Variants in WHRN observed in about 807,000 individuals in gnomAD.
The protein encoded by WHRN is whirlin.
Under a neutral mutation model 68.3 loss-of-function variants are expected in WHRN, and 41 were observed. That is an observed-to-expected ratio of 0.60 (90% confidence interval 0.47 to 0.78). The LOEUF is 0.78. WHRN is among the 30% of genes least tolerant of loss of function. The pLI is 0.00. For missense variants in WHRN, 1,243 were observed against 1,244.7 expected (o/e 1.00, Z 0.02); for synonymous variants, 560 against 561.3 (o/e 1.00, Z 0.03).
chr9:114,439,635 T>C (rs72748839), intron 3 of WHRN, among the ~76,000 whole-genome samples: 3 of 151,848 alleles, frequency 2.0e-5, no homozygotes, highest in East Asian at 1.9e-4. Flanking sequence ...TACACACACA[T>C]AGATATATGT....
chr9:114,482,522 C>T (rs527247767), intron 1 of WHRN, among the ~76,000 whole-genome samples: 216 of 152,154 alleles, frequency 1.4e-3, no homozygotes, highest in Non-Finnish European at 2.4e-3. Context: ...TGCTCACCTC[C>T]CAGGGCACCG....
chr9:114,467,291 G>A (rs1043993274), intron 2 of WHRN, among the ~76,000 whole-genome samples: 1 of 152,114 alleles, frequency 6.6e-6, no homozygotes, highest in African/African-American at 2.4e-5. Context: ...CGGTGCTGGG[G>A]CTTGGAGATG....
At position 114,402,619 on chromosome 9, in the gene WHRN, G is replaced by A. The variant is rs1268302324; in HGVS notation, c.*135C>T. The stretch of plus-strand genomic sequence containing the variant: ...TCTCCCAGTTCTGGTCCAGTGGGCT[G>A]GGATGGAGGGGGGATGTCTTCCTGC... On this transcript the variant is annotated 3_prime_UTR_variant, in exon 12 of 12. Transcript: ENST00000362057. The A allele has an allele frequency of 9.0e-7, 1 of 1,107,668 alleles. No individual in the cohort carries two copies. Among genetic ancestry groups the A allele is most frequent in the African/African-American group, 1.5e-5 (1 of 65,308 alleles). 68.6% of individuals were successfully genotyped at this position (1,107,668 alleles called of 1,614,324 possible). A position where few individuals can be genotyped will look rare whatever the true frequency, so the allele number is the denominator to read the frequency against.
At chr9:114,475,754 G>C (rs1397522438) in intron 2 of WHRN, among the ~76,000 whole-genome samples, 3 of 152,130 alleles carry the variant, frequency 2.0e-5, no homozygotes, top group African/African-American at 7.2e-5. Context: ...CCAGCAGCCA[G>C]GGATCCAGAG....
At position 114,424,506 on chromosome 9, in the gene WHRN, A is replaced by G. The variant is rs753763480; in HGVS notation, c.1244T>C (p.Leu415Pro). ...TCGTGTCTGGTTCCCCAGGCTGCTCAGGGTCACCTGGGAGCCGGCTGGGCC... is the reference window on the plus strand; with the variant it reads ...TCGTGTCTGGTTCCCCAGGCTGCTCGGGGTCACCTGGGAGCCGGCTGGGCC... ...YKGPAGSQVT[L>P]SSLGNQTRVL... The change falls in exon 6 of 12, where the codon CTG becomes CCG. Residue 415 changes from leucine to proline, a missense_variant. Transcript: ENST00000362057. The G allele has an allele frequency of 1.9e-6, 3 of 1,613,852 alleles. No individual in the cohort carries two copies. Among genetic ancestry groups the G allele is most frequent in the African/African-American group, 2.7e-5 (2 of 74,948 alleles).
intron 1 of WHRN, among the ~76,000 whole-genome samples, chr9:114,483,409 T>C (rs774504104): frequency 6.6e-6 from 1 of 152,172 alleles, no homozygotes; most frequent in Non-Finnish European, 1.5e-5. Context: ...CTACAAACCA[T>C]TGCTTGCTTA....
rs370779546 is a variant in WHRN, at chr9:114,504,074, C to A, written c.618+110G>T. ...TAAAGTATTAAAAAAAAAAAAAAAG[C>A]CCAGAAAGGCCAAGTGATTCATCTA... On this transcript the variant is annotated intron_variant, in intron 1 of 11. Coordinates refer to ENST00000362057, the MANE Select transcript of WHRN (RefSeq NM_015404.4). 16 of 1,515,256 alleles carry A rather than the reference C, an allele frequency of 1.1e-5. 1 individual carries two copies. In the African/African-American group the frequency reaches 2.0e-4, roughly 19 times the overall value. 93.9% of individuals were successfully genotyped at this position (1,515,256 alleles called of 1,614,324 possible).
In WHRN at chr9:114,477,600, A is replaced by G. The variant is rs184420999; in HGVS notation, c.837+953T>C. Among the ~76,000 whole-genome samples the G allele has an allele frequency of 7.0e-4, 107 of 152,284 alleles. 1 individual carries two copies. In the East Asian group the frequency reaches 0.018, roughly 25 times the overall value. ...CAGTCTTGGTGGTCTTGTCAATCAA[A>G]GTCCCTAGACATCCCTGCCAGCCCG... On this transcript the variant is annotated intron_variant, in intron 2 of 11. Coordinates refer to ENST00000362057, the MANE Select transcript of WHRN (RefSeq NM_015404.4).
chr9:114,436,658 G>A (rs1246784783), intron 3 of WHRN, among the ~76,000 whole-genome samples: 7 of 151,880 alleles, frequency 4.6e-5, no homozygotes, highest in East Asian at 1.9e-4. Context: ...GTGAAACCCC[G>A]TCTCTACCAA....
chr9:114,433,125 C>T (rs1021202766), intron 3 of WHRN, among the ~76,000 whole-genome samples: 1 of 152,236 alleles, frequency 6.6e-6, no homozygotes, highest in African/African-American at 2.4e-5. Flanking sequence ...CAATACCACA[C>T]TCTCCTTTAA....
At chr9:114,405,187 A>C in intron 9 of WHRN, among the ~76,000 whole-genome samples, 1 of 145,396 alleles carries the variant, frequency 6.9e-6, no homozygotes, top group East Asian at 2.0e-4. Context: ...TGGTCCTCCC[A>C]CCTCAGCCTT....
chr9:114,499,829 T>C (rs974088849), intron 1 of WHRN, among the ~76,000 whole-genome samples: 5 of 152,296 alleles, frequency 3.3e-5, no homozygotes, highest in Non-Finnish European at 7.3e-5. Flanking sequence ...TCCAACCAAC[T>C]GATGAATTGA....
At chr9:114,503,532 CAGAA>C (rs1438305172) in intron 1 of WHRN, 2 of 152,360 alleles carry the variant, frequency 1.3e-5, no homozygotes, top group Non-Finnish European at 2.9e-5. Context: ...TAACAAATGG[CAGAA>C]AGGACAAACA....
At chr9:114,404,456 C>T (rs932203672) in intron 9 of WHRN, among the ~76,000 whole-genome samples, 4 of 152,242 alleles carry the variant, frequency 2.6e-5, no homozygotes, top group African/African-American at 9.6e-5. Flanking sequence ...TGAACCAACA[C>T]ATTCAAATTA....
At position 114,406,283 on chromosome 9, in the gene WHRN, G is replaced by T. The variant is rs527912371; in HGVS notation, c.2236+72C>A. ...AGTAGCTGGTCCCCCCCTTCACTGT[G>T]TCATCAGGTAGACTGACCTGAAGAG... On this transcript the variant is annotated intron_variant, in intron 9 of 11. Transcript: ENST00000362057. 1.3e-5 allele frequency: 20 copies of T among 1,593,088 alleles called. No individual in the cohort carries two copies. In the South Asian group the frequency reaches 2.2e-4, roughly 18 times the overall value.
chr9:114,442,196 G>A (rs1173654896), intron 3 of WHRN, among the ~76,000 whole-genome samples: 3 of 152,196 alleles, frequency 2.0e-5, no homozygotes, highest in Non-Finnish European at 2.9e-5. Flanking sequence ...AATGCAACAC[G>A]TGATCCTGGG....
chr9:114,442,634 G>A (rs565774179), intron 3 of WHRN, among the ~76,000 whole-genome samples: 6 of 152,206 alleles, frequency 3.9e-5, no homozygotes, highest in South Asian at 4.2e-4. Flanking sequence ...CCCTCCTCAC[G>A]GTAATGAGTT....
At chr9:114,408,520 T>C (rs1215691750) in intron 7 of WHRN, among the ~76,000 whole-genome samples, 2 of 152,254 alleles carry the variant, frequency 1.3e-5, no homozygotes, top group African/African-American at 4.8e-5. Flanking sequence ...GTCTATTTCT[T>C]TCTTCCCTTC....
chr9:114,426,803 T>C (rs556665945), intron 3 of WHRN, among the ~76,000 whole-genome samples: 1 of 152,236 alleles, frequency 6.6e-6, no homozygotes, highest in Non-Finnish European at 1.5e-5. Flanking sequence ...CCTACACTTG[T>C]ACTTTGTTGA....
Sources: gnomAD v4.1 joint callset for allele counts (sites outside exome capture counted in the v4.1 genomes callset) on GRCh38, gnomAD v4.1.1 for gene constraint, MANE v1.5 for transcripts, NCBI Gene and HGNC (gene_info 2026-07-23, HGNC 2026-07-21) for gene names.